Variants in GTF2A1L observed in about 807,000 individuals in gnomAD.
GTF2A1L encodes the protein TFIIA-alpha and beta-like factor.
Under a neutral mutation model 49.7 loss-of-function variants are expected in GTF2A1L, and 48 were observed. That is an observed-to-expected ratio of 0.97 (90% CI 0.77 to 1.23). GTF2A1L has a LOEUF of 1.23. Ranked by LOEUF, GTF2A1L falls within the 50% of genes most tolerant of loss-of-function variation. The probability of loss-of-function intolerance (pLI) is 0.00; values close to 1 mark genes in which losing one functional copy is unlikely to be tolerated. For synonymous variants in GTF2A1L, 246 were observed against 193.5 expected, an observed-to-expected ratio of 1.27 and a Z score of -2.25; for missense variants, 736 against 564.8, an observed-to-expected ratio of 1.30 and a Z score of -3.07.
At chr2:48,672,729 T>A (rs1456939008) in intron 8 of GTF2A1L, among the ~76,000 whole-genome samples, 1 of 152,168 alleles carries the variant, frequency 6.6e-6, no homozygotes, top group African/African-American at 2.4e-5. Flanking sequence ...AAATGGGAGT[T>A]TTTGTCCTTA....
intron 3 of GTF2A1L, 78 bp from the exon 4 acceptor site, chr2:48,642,324 T>TA: frequency 7.5e-7 from 1 of 1,336,440 alleles, no homozygotes; most frequent in Non-Finnish European, 1.0e-6. Context: ...AAATATTTTT[T>TA]AAAAATAAGC....
intron 3 of GTF2A1L, among the ~76,000 whole-genome samples, chr2:48,621,559 C>G (rs1032685025): frequency 1.3e-5 from 2 of 152,264 alleles, no homozygotes; most frequent in African/African-American, 4.8e-5. Context: ...AGTTTGTCAG[C>G]TGTTGGGAGC....
chr2:48,640,891 A>T (rs1677162354), intron 3 of GTF2A1L, among the ~76,000 whole-genome samples: 1 of 146,322 alleles, frequency 6.8e-6, no homozygotes, highest in Non-Finnish European at 1.5e-5. Flanking sequence ...TATATGTTCA[A>T]GTATATAACT....
chr2:48,672,119 A>C (rs374918903), intron 8 of GTF2A1L, among the ~76,000 whole-genome samples: 1 of 152,256 alleles, frequency 6.6e-6, no homozygotes, highest in Non-Finnish European at 1.5e-5. Flanking sequence ...TTGTAGTTGG[A>C]GTTCCCCATA....
At chr2:48,654,713 A>G (rs889235421) in intron 6 of GTF2A1L, among the ~76,000 whole-genome samples, 1 of 152,056 alleles carries the variant, frequency 6.6e-6, no homozygotes, top group African/African-American at 2.4e-5. Flanking sequence ...ATGGATATTC[A>G]ATTGTTTTAG....
chr2:48,618,102 C>G (rs1338247336), intron 1 of GTF2A1L: 2 of 548,432 alleles, frequency 3.6e-6, no homozygotes, highest in Admixed American at 7.3e-5. Flanking sequence ...GGGCCAGCCC[C>G]GCCAAAAGAA....
At chr2:48,642,994 T>G (rs1677287322) in intron 4 of GTF2A1L, among the ~76,000 whole-genome samples, 1 of 152,238 alleles carries the variant, frequency 6.6e-6, no homozygotes, top group African/African-American at 2.4e-5. Context: ...GTTGTTAGCA[T>G]CTTCCAAGAC....
Position 48,620,836 on chromosome 2 carries a change from A to G in GTF2A1L, c.22-15A>G, listed in dbSNP as rs748922941. 1.1e-5 allele frequency: 15 copies of G among 1,338,704 alleles called. No homozygotes were observed. Among genetic ancestry groups the G allele is most frequent in the African/African-American group, 6.1e-5 (4 of 65,676 alleles). 82.9% of individuals were successfully genotyped at this position (1,338,704 alleles called of 1,614,324 possible). A position where few individuals can be genotyped will look rare whatever the true frequency, so the allele number is the denominator to read the frequency against. On this transcript the variant is annotated splice_polypyrimidine_tract_variant and intron_variant, in intron 1 of 8. Transcript: ENST00000403751. ...AAATAAATAAAATGAAACTTTAACA[A>G]TTGCTTTTATGTAGCCTAAACTCTA...
intron 5 of GTF2A1L, among the ~76,000 whole-genome samples, chr2:48,645,991 GAGA>G (rs1223472033): frequency 2.6e-5 from 4 of 151,802 alleles, no homozygotes; most frequent in Non-Finnish European, 5.9e-5. Flanking sequence ...AGGAAGAAAG[GAGA>G]AGAAATTTGA....
chr2:48,619,916 G>C (rs932505413), intron 1 of GTF2A1L, among the ~76,000 whole-genome samples: 3 of 152,196 alleles, frequency 2.0e-5, no homozygotes, highest in Non-Finnish European at 4.4e-5. Context: ...ACTGTGGATG[G>C]GTAAGGTTGT....
chr2:48,626,521 C>T (rs1328914482), intron 3 of GTF2A1L, among the ~76,000 whole-genome samples: 1 of 143,670 alleles, frequency 7.0e-6, no homozygotes. Flanking sequence ...GGGTATTTTC[C>T]CATTTATTTG....
At chr2:48,635,246 A>G (rs1198092967) in intron 3 of GTF2A1L, among the ~76,000 whole-genome samples, 1 of 151,908 alleles carries the variant, frequency 6.6e-6, no homozygotes, top group Non-Finnish European at 1.5e-5. Flanking sequence ...CCCTTGCACC[A>G]GGATCTCTGC....
At chr2:48,679,246 G>A in intron 8 of GTF2A1L, 89 bp from the exon 9 acceptor site, 1 of 1,500,830 alleles carries the variant, frequency 6.7e-7, no homozygotes, top group East Asian at 2.4e-5. Flanking sequence ...CATTTCGGGT[G>A]AGAATAATCC....
chr2:48,671,516 T>TTC, intron 7 of GTF2A1L, 75 bp from the exon 8 acceptor site: 1 of 1,469,482 alleles, frequency 6.8e-7, no homozygotes, highest in Non-Finnish European at 9.2e-7. Flanking sequence ...GTTCCTTTAT[T>TTC]TCTATATGTC....
intron 8 of GTF2A1L, among the ~76,000 whole-genome samples, chr2:48,672,137 G>A (rs1679203090): frequency 6.6e-6 from 1 of 152,200 alleles, no homozygotes; most frequent in African/African-American, 2.4e-5. Context: ...ATAAATCCAT[G>A]GGTGATGTGG....
intron 6 of GTF2A1L, among the ~76,000 whole-genome samples, chr2:48,661,222 C>A (rs1312815494): frequency 6.9e-6 from 1 of 144,248 alleles, no homozygotes; most frequent in Non-Finnish European, 1.5e-5. Flanking sequence ...ATGTCCCTCC[C>A]CATTGTTTTC....
At position 48,630,423 on chromosome 2, in the gene GTF2A1L, C is replaced by T. The variant is rs968490318; in HGVS notation, c.247+9133C>T. Among the ~76,000 whole-genome samples the T allele has an allele frequency of 6.3e-5, 9 of 143,722 alleles. 1 individual carries two copies. The highest frequency in any genetic ancestry group is 2.4e-4 in the South Asian group (1 of 4,252). 94.3% of individuals were successfully genotyped at this position (143,722 alleles called of 152,430 possible). A position where few individuals can be genotyped will look rare whatever the true frequency, so the allele number is the denominator to read the frequency against. ...TTCTTGATTTGGCGTTCAGCTTGAA[C>T]GTTGTTGGTGTAAAGAAATGCTACT... On this transcript the variant is annotated intron_variant, in intron 3 of 8. Coordinates refer to ENST00000403751, the MANE Select transcript of GTF2A1L (RefSeq NM_006872.5).
intron 3 of GTF2A1L, among the ~76,000 whole-genome samples, chr2:48,628,057 CTTTG>C (rs1220709840): frequency 6.9e-6 from 1 of 144,018 alleles, no homozygotes; most frequent in African/African-American, 2.5e-5. Context: ...GACATGATTT[CTTTG>C]TTTTTTATGA....
intron 6 of GTF2A1L, among the ~76,000 whole-genome samples, chr2:48,665,031 C>A (rs562591979): frequency 6.6e-6 from 1 of 152,084 alleles, no homozygotes; most frequent in African/African-American, 2.4e-5. Context: ...ACGTGATTCT[C>A]GTGCCTCAGC....
Sources: allele counts gnomAD v4.1 joint callset (sites outside exome capture counted in the v4.1 genomes callset), GRCh38; gene constraint gnomAD v4.1.1; transcripts MANE v1.5; gene names NCBI Gene and HGNC (gene_info 2026-07-23, HGNC 2026-07-21).